NCAM2: variants seen among roughly 807,000 people sequenced by gnomAD.
The protein encoded by NCAM2 is neural cell adhesion molecule 2, also known as N-CAM-2.
In NCAM2, 30 loss-of-function variants were observed where a neutral mutation model predicts 98.1. That is an observed-to-expected ratio of 0.31 (90% CI 0.23 to 0.41). NCAM2 has a LOEUF of 0.41. Among genes scored for constraint, NCAM2 ranks in the 10% least tolerant of loss-of-function variants. The pLI, the probability that NCAM2 is intolerant of heterozygous loss-of-function variation, is 1.00. For missense variants in NCAM2, 867 were observed against 1,005.8 expected (o/e 0.86, Z 1.87); for synonymous variants, 368 against 342.4 (o/e 1.07, Z -0.83).
intron 12 of NCAM2, among the ~76,000 whole-genome samples, chr21:21,455,126 T>C (rs1056187477): frequency 2.7e-5 from 4 of 150,088 alleles, no homozygotes; most frequent in African/African-American, 9.8e-5. Flanking sequence ...TATAAATTTG[T>C]ATGCCAAATA....
rs1469182656 is a variant in NCAM2 at position 21,214,287 on chromosome 21, C to T, written c.56-66291C>T. 2.0e-5 allele frequency among the ~76,000 whole-genome samples: 3 copies of T among 151,984 alleles called. No individual in the cohort carries two copies. In the East Asian group the frequency reaches 5.8e-4, roughly 29 times the overall value. Reference sequence around the variant, plus strand: ...TTGTGGAAATAAGCATGGTAATTACCCATTTTCTGCATTCTTTAGTAATGT... The same window carrying T: ...TTGTGGAAATAAGCATGGTAATTACTCATTTTCTGCATTCTTTAGTAATGT... On this transcript the variant is annotated intron_variant, in intron 1 of 17. Coordinates refer to ENST00000400546, the MANE Select transcript of NCAM2 (RefSeq NM_004540.5).
At chr21:21,431,183 AT>A (rs1417191133) in intron 11 of NCAM2, among the ~76,000 whole-genome samples, 4 of 137,942 alleles carry the variant, frequency 2.9e-5, no homozygotes, top group Admixed American at 2.1e-4. Flanking sequence ...AAAAAAAATT[AT>A]TTTTTTATCC....
chr21:21,159,181 C>A (rs908688213), intron 1 of NCAM2, among the ~76,000 whole-genome samples: 4 of 151,900 alleles, frequency 2.6e-5, no homozygotes, highest in Non-Finnish European at 5.9e-5. Flanking sequence ...TAAAAAATAT[C>A]TTCATATAGC....
At chr21:21,034,122 T>G (rs9979551) in intron 1 of NCAM2, among the ~76,000 whole-genome samples, 95,115 of 151,520 alleles carry the variant, frequency 0.63, 30,179 homozygotes, top group East Asian at 0.77. Context: ...TATACATTCT[T>G]CAATCTCCTA....
intron 1 of NCAM2, chr21:21,210,438 C>T (rs2069606746): frequency 2.1e-6 from 2 of 933,048 alleles, no homozygotes; most frequent in Non-Finnish European, 2.8e-6. Flanking sequence ...TTAAGAGCAC[C>T]AGGACACTCC....
chr21:21,138,233 C>T (rs2826686), intron 1 of NCAM2, among the ~76,000 whole-genome samples: 63,283 of 151,918 alleles, frequency 0.42, 13,735 homozygotes, highest in African/African-American at 0.54. Context: ...GGAAGAAAAA[C>T]GTCCTTACTA....
intron 1 of NCAM2, among the ~76,000 whole-genome samples, chr21:21,265,568 G>A (rs1012250929): frequency 9.5e-5 from 14 of 147,394 alleles, no homozygotes; most frequent in African/African-American, 3.3e-4. Context: ...TGTATAAGTG[G>A]AATACTACAC....
chr21:21,530,266 AAT>A (rs1488555897), intron 16 of NCAM2, among the ~76,000 whole-genome samples: 1 of 136,470 alleles, frequency 7.3e-6, no homozygotes, highest in African/African-American at 2.7e-5. Flanking sequence ...AATTTAATTT[AAT>A]TATATATAAT....
chr21:21,217,942 A>G (rs1441151085), intron 1 of NCAM2, among the ~76,000 whole-genome samples: 1 of 152,174 alleles, frequency 6.6e-6, no homozygotes, highest in Non-Finnish European at 1.5e-5. Flanking sequence ...TCAGCCCCAC[A>G]ACCACATAGA....
chr21:21,093,998 G>A (rs1454766920), intron 1 of NCAM2, among the ~76,000 whole-genome samples: 2 of 151,776 alleles, frequency 1.3e-5, no homozygotes, highest in East Asian at 3.9e-4. Context: ...AAGAATTCTC[G>A]TCAAATTGGT....
At chr21:21,496,587 A>G (rs1987255152) in intron 15 of NCAM2, among the ~76,000 whole-genome samples, 1 of 151,832 alleles carries the variant, frequency 6.6e-6, no homozygotes, top group Non-Finnish European at 1.5e-5. Context: ...TTGATCATTT[A>G]TTTTGCTATA....
chr21:21,461,199 A>G (rs563492167), intron 12 of NCAM2, among the ~76,000 whole-genome samples: 2 of 152,036 alleles, frequency 1.3e-5, no homozygotes, highest in African/African-American at 4.8e-5. Context: ...AATTTTACGT[A>G]TACTAAGAAG....
chr21:21,458,859 A>G (rs1274524796), intron 12 of NCAM2, among the ~76,000 whole-genome samples: 2 of 152,214 alleles, frequency 1.3e-5, no homozygotes, highest in Admixed American at 1.3e-4. Context: ...GATTGCATCA[A>G]GATGAAAAAC....
At chr21:21,109,261 T>C (rs2066408376) in intron 1 of NCAM2, among the ~76,000 whole-genome samples, 1 of 152,130 alleles carries the variant, frequency 6.6e-6, no homozygotes, top group African/African-American at 2.4e-5. Context: ...GGGTCTGTAC[T>C]GACTGGAAAC....
At chr21:21,152,119 C>T (rs558662585) in intron 1 of NCAM2, among the ~76,000 whole-genome samples, 2 of 151,966 alleles carry the variant, frequency 1.3e-5, no homozygotes, top group Admixed American at 6.6e-5. Flanking sequence ...CAGTCAATGA[C>T]TGATGCTTTG....
At chr21:21,147,508 T>A (rs2067314432) in intron 1 of NCAM2, among the ~76,000 whole-genome samples, 1 of 151,448 alleles carries the variant, frequency 6.6e-6, no homozygotes, top group Non-Finnish European at 1.5e-5. Flanking sequence ...ATACATACAC[T>A]AATATATATA....
intron 15 of NCAM2, among the ~76,000 whole-genome samples, chr21:21,498,756 C>A (rs943425337): frequency 2.0e-5 from 3 of 152,046 alleles, no homozygotes; most frequent in Admixed American, 2.0e-4. Flanking sequence ...TTGTAACAAT[C>A]TTTTAAAAGT....
chr21:21,129,227 A>G (rs1373130946), intron 1 of NCAM2, among the ~76,000 whole-genome samples: 1 of 152,146 alleles, frequency 6.6e-6, no homozygotes, highest in African/African-American at 2.4e-5. Context: ...TACCTTTATC[A>G]AACACTTCTT....
chr21:21,507,416 G>GT (rs1988050167), intron 15 of NCAM2, among the ~76,000 whole-genome samples: 1 of 151,916 alleles, frequency 6.6e-6, no homozygotes, highest in South Asian at 2.1e-4. Context: ...ATCTATACCC[G>GT]TATCTGTCAC....
Sources: gnomAD v4.1 joint callset for allele counts (sites outside exome capture counted in the v4.1 genomes callset) on GRCh38, gnomAD v4.1.1 for gene constraint, MANE v1.5 for transcripts, NCBI Gene and HGNC (gene_info 2026-07-23, HGNC 2026-07-21) for gene names.